GPM6A: variants seen among roughly 807,000 people sequenced by gnomAD.
GPM6A encodes the protein glycoprotein M6A, also known as neuronal membrane glycoprotein M6-a.
In GPM6A, 7 loss-of-function variants were observed where a neutral mutation model predicts 32.1. The ratio of observed to expected loss-of-function variants is 0.22; its 90% CI spans 0.12 to 0.41. GPM6A has a LOEUF of 0.41. Among genes scored for constraint, GPM6A ranks in the 10% least tolerant of loss-of-function variants. The pLI, the probability that GPM6A is intolerant of heterozygous loss-of-function variation, is 1.00. For synonymous variants in GPM6A, 130 were observed against 123.4 expected, an observed-to-expected ratio of 1.05 and a Z score of -0.35; for missense variants, 235 against 347.2, an observed-to-expected ratio of 0.68 and a Z score of 2.57.
intron 1 of GPM6A, among the ~76,000 whole-genome samples, chr4:175,900,760 C>T (rs1194297696): frequency 6.6e-6 from 1 of 152,152 alleles, no homozygotes; most frequent in Non-Finnish European, 1.5e-5. Flanking sequence ...ATCCAACAAT[C>T]CCACTGCTTG....
chr4:175,999,789 G>A (rs928032261), intron 1 of GPM6A, among the ~76,000 whole-genome samples: 1 of 152,074 alleles, frequency 6.6e-6, no homozygotes, highest in African/African-American at 2.4e-5. Context: ...ATTTGTTGGC[G>A]CAATCCAGCA....
chr4:175,656,025 A>C (rs891919608), intron 3 of GPM6A, among the ~76,000 whole-genome samples: 4 of 152,074 alleles, frequency 2.6e-5, no homozygotes, highest in African/African-American at 9.6e-5. Context: ...ACAGACACTG[A>C]ATTTTAATTT....
At chr4:175,826,041 G>A (rs1458933564) in intron 1 of GPM6A, among the ~76,000 whole-genome samples, 15 of 152,124 alleles carry the variant, frequency 9.9e-5, no homozygotes, top group Non-Finnish European at 1.8e-4. Context: ...GGTGGAGTGA[G>A]CCTCTGGTCC....
intron 1 of GPM6A, among the ~76,000 whole-genome samples, chr4:175,911,449 T>C (rs1436723729): frequency 6.6e-6 from 1 of 152,186 alleles, no homozygotes; most frequent in African/African-American, 2.4e-5. Flanking sequence ...TCCCCTGCTT[T>C]TCAGCTCAAA....
At chr4:175,672,433 AC>A (rs1743135214) in intron 3 of GPM6A, among the ~76,000 whole-genome samples, 1 of 152,186 alleles carries the variant, frequency 6.6e-6, no homozygotes, top group Non-Finnish European at 1.5e-5. Context: ...TTACTATATA[AC>A]TCAATTCACT....
chr4:175,989,031 G>A (rs1250542963), intron 1 of GPM6A, among the ~76,000 whole-genome samples: 6 of 152,094 alleles, frequency 3.9e-5, no homozygotes, highest in African/African-American at 1.2e-4. Flanking sequence ...GGAGGAATTG[G>A]AAGATCATAT....
intron 1 of GPM6A, among the ~76,000 whole-genome samples, chr4:175,905,446 ATTC>A (rs1332720540): frequency 2.6e-5 from 4 of 151,968 alleles, no homozygotes; most frequent in Non-Finnish European, 4.4e-5. Context: ...GCCCAAGACA[ATTC>A]TTCTTCTTCC....
At chr4:175,680,928 TAGAG>T (rs1234714002) in intron 2 of GPM6A, among the ~76,000 whole-genome samples, 1 of 152,232 alleles carries the variant, frequency 6.6e-6, no homozygotes. Context: ...TACAAATTCA[TAGAG>T]ATTGTTCTCA....
intron 1 of GPM6A, among the ~76,000 whole-genome samples, chr4:175,727,323 T>A (rs929985386): frequency 6.6e-6 from 1 of 152,168 alleles, no homozygotes; most frequent in African/African-American, 2.4e-5. Context: ...TTCACTCATA[T>A]CAGAACGTGT....
chr4:175,672,146 T>C (rs1743114850), intron 3 of GPM6A, among the ~76,000 whole-genome samples: 1 of 152,262 alleles, frequency 6.6e-6, no homozygotes, highest in East Asian at 1.9e-4. Context: ...CTTTTTATTA[T>C]GAAGTTATTT....
At chr4:175,912,685 T>C (rs1306917752) in intron 1 of GPM6A, among the ~76,000 whole-genome samples, 1 of 151,800 alleles carries the variant, frequency 6.6e-6, no homozygotes, top group Non-Finnish European at 1.5e-5. Flanking sequence ...AGAATAAAGG[T>C]GTCAGTACCA....
At position 175,756,054 on chromosome 4, in the gene GPM6A, T is replaced by C. The variant is rs141849206; in HGVS notation, c.38-54287A>G. Among the ~76,000 whole-genome samples, 650 of 152,242 alleles carry C rather than the reference T, an allele frequency of 4.3e-3. 3 individuals are homozygous for C. The highest frequency in any genetic ancestry group is 6.9e-3 in the Non-Finnish European group (466 of 68,000). On this transcript the variant is annotated intron_variant, in intron 1 of 6. Coordinates refer to ENST00000393658, the MANE Select transcript of GPM6A (RefSeq NM_201591.3). ...GGAGAGAAGATTTCAAGGCTGATCA[T>C]ATCACTATAGGAGCTAAGGTCTGAT...
intron 2 of GPM6A, among the ~76,000 whole-genome samples, chr4:175,677,913 C>T (rs765147635): frequency 1.3e-5 from 2 of 152,090 alleles, no homozygotes; most frequent in African/African-American, 4.8e-5. Context: ...AGGAAACAAT[C>T]GAGCAAAAAA....
chr4:175,670,021 C>A (rs74977362), intron 3 of GPM6A, among the ~76,000 whole-genome samples: 3,001 of 151,274 alleles, frequency 0.02, 93 homozygotes, highest in African/African-American at 0.068. Flanking sequence ...AAAAAATCAA[C>A]CCGGTGACAC....
intron 1 of GPM6A, among the ~76,000 whole-genome samples, chr4:175,914,684 A>G (rs1449177044): frequency 1.3e-5 from 2 of 152,146 alleles, no homozygotes; most frequent in African/African-American, 4.8e-5. Context: ...TCAAATATGC[A>G]TTTGTCTTGT....
At chr4:175,936,306 C>CAAAAAAAA (rs35653197) in intron 1 of GPM6A, among the ~76,000 whole-genome samples, 477 of 45,662 alleles carry the variant, frequency 0.01, 40 homozygotes, top group South Asian at 0.018. Flanking sequence ...ACTCTGTCTC[C>CAAAAAAAA]AAAAAAAAAA....
At chr4:175,864,075 T>C (rs1736657140) in intron 1 of GPM6A, among the ~76,000 whole-genome samples, 1 of 152,194 alleles carries the variant, frequency 6.6e-6, no homozygotes, top group Non-Finnish European at 1.5e-5. Context: ...TTTTAAATGT[T>C]GACCTTCTAG....
intron 1 of GPM6A, chr4:175,800,656 G>C (rs766241205): frequency 6.4e-6 from 1 of 155,490 alleles, no homozygotes; most frequent in South Asian, 1.8e-4. Context: ...TTCAATGAAG[G>C]CTTCTGTTTC....
chr4:175,842,384 T>C (rs1379584233), intron 1 of GPM6A, among the ~76,000 whole-genome samples: 3 of 152,172 alleles, frequency 2.0e-5, no homozygotes, highest in Admixed American at 2.0e-4. Context: ...TATCAGTTTT[T>C]TTTAACAAGT....
Sources: gnomAD v4.1 joint callset for allele counts (sites outside exome capture counted in the v4.1 genomes callset) on GRCh38, gnomAD v4.1.1 for gene constraint, MANE v1.5 for transcripts, NCBI Gene and HGNC (gene_info 2026-07-23, HGNC 2026-07-21) for gene names.